Variants in DRC11L observed in about 807,000 individuals in gnomAD.
DRC11L encodes dynein regulatory complex subunit 11 like.
the DRC11L span, chr7:151,204,381 C>A: frequency 2.8e-5 from 11 of 387,744 alleles, no homozygotes; most frequent in Non-Finnish European, 3.2e-5. Context: ...GGCCCCATCC[C>A]TACCCCACCC....
the DRC11L span, chr7:151,204,519 T>C: frequency 2.5e-6 from 1 of 398,854 alleles, no homozygotes. Context: ...TGGGGTGAGC[T>C]TGAAATCCTG....
chr7:151,200,675 C>A, the DRC11L span, among the ~76,000 whole-genome samples: 1 of 152,092 alleles, frequency 6.6e-6, no homozygotes, highest in Non-Finnish European at 1.5e-5. Flanking sequence ...CCAGGGCCCC[C>A]CAGGGATTTC....
At chr7:151,200,292 G>A in the DRC11L span, 13 of 399,234 alleles carry the variant, frequency 3.3e-5, no homozygotes, top group East Asian at 4.3e-4. Flanking sequence ...CGTGGGCACT[G>A]TGGGGCTGGA....
the DRC11L span, chr7:151,204,636 C>T: frequency 2.5e-5 from 10 of 399,072 alleles, no homozygotes. Flanking sequence ...TCGCAGCAGC[C>T]GCCGCTTCTG....
At chr7:151,205,495 G>A in the DRC11L span, 2 of 399,040 alleles carry the variant, frequency 5.0e-6, no homozygotes, top group Non-Finnish European at 4.4e-6. Context: ...TGCTGGTGGT[G>A]GAATTCACAG....
the DRC11L span, chr7:151,197,013 T>C: frequency 6.9e-3 from 2,739 of 399,468 alleles, 65 homozygotes; most frequent in African/African-American, 0.051. Flanking sequence ...ATCATAGGGA[T>C]ACATTTGGAT....
the DRC11L span, among the ~76,000 whole-genome samples, chr7:151,204,989 G>T: frequency 6.6e-6 from 1 of 152,230 alleles, no homozygotes; most frequent in African/African-American, 2.4e-5. Context: ...TAAGGAGCCC[G>T]CAGGGCAATG....
At chr7:151,203,118 G>A in the DRC11L span, 2 of 399,172 alleles carry the variant, frequency 5.0e-6, no homozygotes, top group Admixed American at 8.8e-5. Context: ...AGGGGCAAAA[G>A]AGCAGGAGCA....
chr7:151,203,141 C>A, the DRC11L span: 5 of 398,982 alleles, frequency 1.3e-5, no homozygotes, highest in Admixed American at 4.4e-5. Context: ...TGAGGGAGAG[C>A]TTGCATCCAG....
chr7:151,196,883 CATG>C, the DRC11L span: 1 of 398,988 alleles, frequency 2.5e-6, no homozygotes, highest in Non-Finnish European at 4.4e-6. Flanking sequence ...ACTGCCACTT[CATG>C]GTCCGTGTGC....
chr7:151,192,462 G>A, the DRC11L span: 1 of 399,208 alleles, frequency 2.5e-6, no homozygotes, highest in African/African-American at 2.1e-5. Context: ...ATCTGCTCCA[G>A]GGGAGGAGGG....
At chr7:151,198,689 T>C in the DRC11L span, 1 of 397,654 alleles carries the variant, frequency 2.5e-6, no homozygotes, top group Non-Finnish European at 4.4e-6. Flanking sequence ...AAAGGCCCCA[T>C]CTGGACTAGA....
At chr7:151,193,566 G>A in the DRC11L span, 1 of 399,216 alleles carries the variant, frequency 2.5e-6, no homozygotes, top group Non-Finnish European at 4.4e-6. Context: ...ACTGCGTAAG[G>A]TCAGGCCAAG....
the DRC11L span, chr7:151,191,660 C>T: frequency 1.3e-5 from 5 of 399,226 alleles, no homozygotes; most frequent in Non-Finnish European, 2.2e-5. Context: ...CTCCTCCTCC[C>T]TGTACACTGG....
chr7:151,203,961 G>A, the DRC11L span, among the ~76,000 whole-genome samples: 2 of 152,122 alleles, frequency 1.3e-5, no homozygotes, highest in East Asian at 1.9e-4. Context: ...GACTGGAGGC[G>A]CCGCAGAAGC....
chr7:151,198,403 G>A, the DRC11L span, among the ~76,000 whole-genome samples: 1 of 152,056 alleles, frequency 6.6e-6, no homozygotes, highest in Non-Finnish European at 1.5e-5. Context: ...GGTAGATGGA[G>A]AGGCGGATAA....
chr7:151,195,489 G>A, the DRC11L span: 9 of 399,378 alleles, frequency 2.3e-5, no homozygotes, highest in Non-Finnish European at 4.4e-6. Flanking sequence ...GTGTTTTCTG[G>A]TTGGAAACGA....
the DRC11L span, chr7:151,197,414 A>G: frequency 2.5e-6 from 1 of 398,792 alleles, no homozygotes; most frequent in Non-Finnish European, 4.4e-6. Flanking sequence ...AGAGCTGGCG[A>G]TCTCTCAGGC....
the DRC11L span, among the ~76,000 whole-genome samples, chr7:151,204,050 G>A: frequency 6.6e-6 from 1 of 152,204 alleles, no homozygotes; most frequent in African/African-American, 2.4e-5. Context: ...TGCAGGTGCA[G>A]ATTTAGTGAG....
Sources: gnomAD v4.1 joint callset for allele counts (sites outside exome capture counted in the v4.1 genomes callset) on GRCh38, gnomAD v4.1.1 for gene constraint, MANE v1.5 for transcripts, NCBI Gene and HGNC (gene_info 2026-07-23, HGNC 2026-07-21) for gene names.